Variants in DMD observed in about 807,000 individuals in gnomAD.
DMD encodes the protein mutant dystrophin.
Under a neutral mutation model 330.1 loss-of-function variants are expected in DMD, and 63 were observed. That is an observed-to-expected ratio of 0.19 (90% CI 0.16 to 0.24). The LOEUF is 0.24. DMD is among the 10% of genes least tolerant of loss of function. DMD has a pLI of 1.00. For synonymous variants in DMD, 1,223 were observed against 959.8 expected (o/e 1.27, Z -5.07); for missense variants, 3,344 against 2,684.1 (o/e 1.25, Z -5.43).
chrX:32,601,595 G>A (rs1386890141), intron 12 of DMD, among the ~76,000 whole-genome samples: 3 of 108,632 alleles, frequency 2.8e-5, no homozygotes, highest in Non-Finnish European at 5.8e-5. Flanking sequence ...AAGGACATAG[G>A]ATGAAATAGA....
intron 55 of DMD, among the ~76,000 whole-genome samples, chrX:31,510,821 T>C (rs2071457705): frequency 9.0e-6 from 1 of 110,944 alleles, no homozygotes; most frequent in Non-Finnish European, 1.9e-5. Context: ...GATTGCTCTT[T>C]TCACTTCTCA....
At chrX:31,233,025 C>T (rs1395012312) in intron 63 of DMD, among the ~76,000 whole-genome samples, 1 of 111,778 alleles carries the variant, frequency 8.9e-6, no homozygotes, top group Non-Finnish European at 1.9e-5. Flanking sequence ...TAAATTGTTC[C>T]TCAATTATCA....
At chrX:31,559,633 T>C (rs1603371571) in intron 55 of DMD, among the ~76,000 whole-genome samples, 1 of 45,838 alleles carries the variant, frequency 2.2e-5, no homozygotes, top group Non-Finnish European at 4.0e-5. Context: ...AGAGCGAAAC[T>C]CCGTCTCAAA....
intron 1 of DMD, among the ~76,000 whole-genome samples, chrX:33,147,024 G>T (rs185010923): frequency 9.1e-6 from 1 of 110,107 alleles, no homozygotes; most frequent in African/African-American, 3.3e-5. Context: ...GGGTTTCACC[G>T]TGTCAGCCAG....
chrX:31,786,696 CA>C (rs1464651286), intron 50 of DMD, among the ~76,000 whole-genome samples: 1 of 111,587 alleles, frequency 9.0e-6, no homozygotes, highest in Non-Finnish European at 1.9e-5. Flanking sequence ...ATAATATCTA[CA>C]AAAGGATCAC....
chrX:32,585,439 C>T (rs1039546373), intron 13 of DMD, among the ~76,000 whole-genome samples: 2 of 110,760 alleles, frequency 1.8e-5, no homozygotes, highest in Non-Finnish European at 3.8e-5. Context: ...TGGTGGCTCA[C>T]GCCTGTAATC....
At chrX:33,163,000 G>T (rs1231934469) in intron 1 of DMD, among the ~76,000 whole-genome samples, 2 of 111,637 alleles carry the variant, frequency 1.8e-5, no homozygotes, top group African/African-American at 6.5e-5. Flanking sequence ...CTAATAAACT[G>T]GAGGAAAGTC....
intron 1 of DMD, among the ~76,000 whole-genome samples, chrX:33,247,543 A>G: frequency 8.9e-6 from 1 of 111,754 alleles, no homozygotes; most frequent in Middle Eastern, 4.9e-3. Flanking sequence ...ACCAATTGTA[A>G]ATATCATTCA....
At chrX:31,688,988 T>C (rs1468808960) in intron 52 of DMD, among the ~76,000 whole-genome samples, 4 of 111,615 alleles carry the variant, frequency 3.6e-5, no homozygotes, top group East Asian at 2.8e-4. Flanking sequence ...TAAGAGCTAT[T>C]TATGACAAAC....
chrX:32,317,796 T>C lies in DMD; in HGVS notation c.5923-7520A>G, dbSNP rs1234321054. Among the ~76,000 whole-genome samples the C allele has an allele frequency of 2.8e-5, 3 of 108,715 alleles. No individual in the cohort carries two copies. In the East Asian group the frequency reaches 8.5e-4, roughly 31 times the overall value. The allele number at this position is 108,715 out of a possible 115,157, so 94.4% of individuals were successfully genotyped here. A position where few individuals can be genotyped will look rare whatever the true frequency, so the allele number is the denominator to read the frequency against. On this transcript the variant is annotated intron_variant, in intron 41 of 78. Transcript: ENST00000357033. Reference sequence around the variant, plus strand: ...CAATGCATCAAAAGTGTAACAAAAATAGACTATTATCTTGACCAAAAACAG... The same window carrying C: ...CAATGCATCAAAAGTGTAACAAAAACAGACTATTATCTTGACCAAAAACAG...
chrX:32,995,717 T>C (rs2093100949), intron 2 of DMD, among the ~76,000 whole-genome samples: 1 of 112,086 alleles, frequency 8.9e-6, no homozygotes, highest in African/African-American at 3.2e-5. Context: ...TAATGTAGAC[T>C]TCATAAATCA....
chrX:32,375,704 CCAAA>C (rs1015837029), intron 34 of DMD, among the ~76,000 whole-genome samples: 2 of 111,161 alleles, frequency 1.8e-5, no homozygotes, highest in Non-Finnish European at 3.8e-5. Flanking sequence ...ATATTAATTC[CCAAA>C]CATCTTTCTG....
At chrX:32,637,279 T>A (rs2059165138) in intron 11 of DMD, among the ~76,000 whole-genome samples, 1 of 112,165 alleles carries the variant, frequency 8.9e-6, no homozygotes, top group African/African-American at 3.2e-5. Context: ...TCTGGCACAG[T>A]GCCTGGCACA....
intron 45 of DMD, 86 bp from the exon 46 acceptor site, chrX:31,932,313 G>A: frequency 1.4e-6 from 1 of 722,090 alleles, no homozygotes; most frequent in Non-Finnish European, 2.1e-6. Context: ...CACAAACATG[G>A]CAATTTAAAA....
At chrX:32,959,890 G>C (rs952309084) in intron 2 of DMD, among the ~76,000 whole-genome samples, 9 of 111,757 alleles carry the variant, frequency 8.1e-5, no homozygotes, top group African/African-American at 2.9e-4. Context: ...AACTATGACT[G>C]TGAAATTAAT....
intron 11 of DMD, among the ~76,000 whole-genome samples, chrX:32,615,911 G>A (rs1047708763): frequency 3.6e-5 from 4 of 111,212 alleles, no homozygotes; most frequent in African/African-American, 9.8e-5. Context: ...ACTATTTTTT[G>A]TATTTCAGTA....
At chrX:33,139,025 C>T (rs1569556225) in intron 1 of DMD, among the ~76,000 whole-genome samples, 1 of 111,253 alleles carries the variant, frequency 9.0e-6, no homozygotes, top group Non-Finnish European at 1.9e-5. Flanking sequence ...TAAAACCAGT[C>T]CGGGAGGGCA....
chrX:32,932,941 T>A (rs1007405154), intron 2 of DMD, among the ~76,000 whole-genome samples: 7 of 111,819 alleles, frequency 6.3e-5, no homozygotes, highest in African/African-American at 2.3e-4. Flanking sequence ...ACTATATATT[T>A]TTTTTCAGAT....
chrX:32,530,582 A>G (rs914872247), intron 17 of DMD, among the ~76,000 whole-genome samples: 10 of 112,228 alleles, frequency 8.9e-5, no homozygotes, highest in African/African-American at 3.2e-4. Context: ...AACCTTAAAA[A>G]TTAAAAGGTA....
Sources: allele counts gnomAD v4.1 joint callset (sites outside exome capture counted in the v4.1 genomes callset), GRCh38; gene constraint gnomAD v4.1.1; transcripts MANE v1.5; gene names NCBI Gene and HGNC (gene_info 2026-07-23, HGNC 2026-07-21).